Variants in PTPRD observed in about 807,000 individuals in gnomAD.
The protein encoded by PTPRD is protein tyrosine phosphatase receptor type D, also known as receptor-type tyrosine-protein phosphatase delta.
In PTPRD, 34 loss-of-function variants were observed where a neutral mutation model predicts 214.5. The observed-to-expected ratio is 0.16, with a 90% CI of 0.12 to 0.21. The LOEUF is 0.21. PTPRD is among the 10% of genes least tolerant of loss of function. The probability of loss-of-function intolerance (pLI) is 1.00; values close to 1 mark genes in which losing one functional copy is unlikely to be tolerated. For missense variants in PTPRD, 2,545 were observed against 2,398.7 expected (o/e 1.06, Z -1.27); for synonymous variants, 1,128 against 845.7 (o/e 1.33, Z -5.79).
intron 2 of PTPRD, among the ~76,000 whole-genome samples, chr9:10,396,761 T>G (rs2098178633): frequency 6.6e-6 from 1 of 152,018 alleles, no homozygotes; most frequent in Admixed American, 6.6e-5. Context: ...AATGCAATAC[T>G]GAATAAAACT....
chr9:10,045,639 A>G (rs968433711), intron 3 of PTPRD, among the ~76,000 whole-genome samples: 2 of 151,720 alleles, frequency 1.3e-5, no homozygotes, highest in African/African-American at 4.8e-5. Flanking sequence ...CATTTAGCTA[A>G]TATACTCTTA....
chr9:8,360,623 A>G (rs2078235825), intron 39 of PTPRD, among the ~76,000 whole-genome samples: 1 of 152,168 alleles, frequency 6.6e-6, no homozygotes. Flanking sequence ...TTGCACAGTG[A>G]AGTTGTAATA....
intron 2 of PTPRD, among the ~76,000 whole-genome samples, chr9:10,426,409 A>G (rs911593506): frequency 3.3e-5 from 5 of 151,884 alleles, no homozygotes; most frequent in South Asian, 4.1e-4. Context: ...TTTTCGAAGG[A>G]CTTGTATGTA....
chr9:9,220,663 T>G (rs2099955369), intron 9 of PTPRD, among the ~76,000 whole-genome samples: 1 of 152,056 alleles, frequency 6.6e-6, no homozygotes, highest in Admixed American at 6.6e-5. Context: ...ATTCAAATAT[T>G]GATGTAGTTA....
chr9:8,786,047 G>A lies in PTPRD; in HGVS notation c.-103-52101C>T, dbSNP rs146737930. Among the ~76,000 whole-genome samples the A allele has an allele frequency of 1.3e-4, 18 of 141,306 alleles. No individual in the cohort carries two copies. The East Asian group carries it at 3.6e-3, about 28-fold the overall frequency. The allele number at this position is 141,306 out of a possible 152,430, so 92.7% of individuals were successfully genotyped here. A position where few individuals can be genotyped will look rare whatever the true frequency, so the allele number is the denominator to read the frequency against. On this transcript the variant is annotated intron_variant, in intron 11 of 45. Transcript: ENST00000381196. ...CGCTTAATTTGTTGTGTGTGTGTGT[G>A]TGTGTGTGTGTGTGTGTGTGTGTAC... is the stretch of plus-strand genomic sequence containing the variant.
intron 37 of PTPRD, 86 bp downstream of exon 37, chr9:8,389,146 G>T: frequency 8.4e-7 from 1 of 1,187,594 alleles, no homozygotes. Context: ...TTAGGGAAAG[G>T]TTAGATTCTG....
intron 14 of PTPRD, among the ~76,000 whole-genome samples, chr9:8,554,411 A>G (rs759423180): frequency 7.9e-5 from 12 of 152,180 alleles, no homozygotes; most frequent in Non-Finnish European, 1.5e-4. Context: ...AAAAGTAGGG[A>G]AAAAGTCCTT....
At chr9:9,758,228 A>G (rs193149444) in intron 6 of PTPRD, among the ~76,000 whole-genome samples, 4 of 150,088 alleles carry the variant, frequency 2.7e-5, no homozygotes, top group Admixed American at 6.7e-5. Flanking sequence ...ATTTCCTTAT[A>G]AAAAAACAGA....
chr9:9,389,941 A>C (rs1290192497), intron 9 of PTPRD, among the ~76,000 whole-genome samples: 1 of 152,184 alleles, frequency 6.6e-6, no homozygotes, highest in Non-Finnish European at 1.5e-5. Flanking sequence ...ATCAAAGGCA[A>C]GGTAGGTAAG....
intron 11 of PTPRD, among the ~76,000 whole-genome samples, chr9:8,936,696 T>A (rs2099000450): frequency 6.6e-6 from 1 of 152,178 alleles, no homozygotes; most frequent in African/African-American, 2.4e-5. Context: ...TCGTAATCAT[T>A]TGATATCATT....
intron 9 of PTPRD, among the ~76,000 whole-genome samples, chr9:9,244,836 A>C (rs1421476628): frequency 6.6e-6 from 1 of 152,206 alleles, no homozygotes; most frequent in Admixed American, 6.5e-5. Flanking sequence ...AACTACCATC[A>C]GAGTGAACAG....
At chr9:8,930,315 T>C (rs2098943550) in intron 11 of PTPRD, among the ~76,000 whole-genome samples, 1 of 152,240 alleles carries the variant, frequency 6.6e-6, no homozygotes, top group East Asian at 1.9e-4. Context: ...GGCTGCATAG[T>C]ATTCCATGGT....
chr9:9,208,360 A>T (rs1359854409), intron 9 of PTPRD, among the ~76,000 whole-genome samples: 4 of 151,804 alleles, frequency 2.6e-5, no homozygotes, highest in Non-Finnish European at 4.4e-5. Flanking sequence ...CAAACCATAA[A>T]TCTGGTTTTT....
chr9:10,154,413 A>G (rs2099081016), intron 3 of PTPRD, among the ~76,000 whole-genome samples: 1 of 152,084 alleles, frequency 6.6e-6, no homozygotes, highest in South Asian at 2.1e-4. Flanking sequence ...GCCATTCTGT[A>G]GGTTATCTGT....
intron 2 of PTPRD, among the ~76,000 whole-genome samples, chr9:10,497,385 C>A (rs1444335965): frequency 6.6e-6 from 1 of 151,934 alleles, no homozygotes; most frequent in African/African-American, 2.4e-5. Context: ...CTCCATAAAT[C>A]AAGGGCATGC....
At chr9:8,325,873 C>T (rs914802802) in intron 44 of PTPRD, among the ~76,000 whole-genome samples, 1 of 151,984 alleles carries the variant, frequency 6.6e-6, no homozygotes, top group African/African-American at 2.4e-5. Flanking sequence ...CGTGATTTGG[C>T]TATTATTGGT....
chr9:10,299,930 T>C (rs1375742052), intron 3 of PTPRD, among the ~76,000 whole-genome samples: 1 of 152,188 alleles, frequency 6.6e-6, no homozygotes, highest in African/African-American at 2.4e-5. Context: ...TGCTCTCATA[T>C]AGAAAACTTG....
intron 10 of PTPRD, among the ~76,000 whole-genome samples, chr9:9,095,205 A>G (rs1412862796): frequency 6.6e-6 from 1 of 152,182 alleles, no homozygotes; most frequent in Non-Finnish European, 1.5e-5. Flanking sequence ...ACAAGGCAAG[A>G]GGTCTATTTT....
At chr9:9,836,184 G>A (rs1006625429) in intron 5 of PTPRD, among the ~76,000 whole-genome samples, 19 of 152,158 alleles carry the variant, frequency 1.2e-4, no homozygotes, top group Non-Finnish European at 2.6e-4. Context: ...AAGGCAGCTC[G>A]TGGAAGAAAC....
Sources: allele counts gnomAD v4.1 joint callset (sites outside exome capture counted in the v4.1 genomes callset), GRCh38; gene constraint gnomAD v4.1.1; transcripts MANE v1.5; gene names NCBI Gene and HGNC (gene_info 2026-07-23, HGNC 2026-07-21).